Variants in TMEM116 observed in about 807,000 individuals in gnomAD.
TMEM116 encodes the protein transmembrane protein 116.
TMEM116 carries 38 observed loss-of-function variants against 44.3 expected under a neutral mutation model. That is an observed-to-expected ratio of 0.86 (90% confidence interval 0.66 to 1.12). TMEM116 has a LOEUF of 1.12. Among genes scored for constraint, TMEM116 ranks in the 50% most tolerant of loss-of-function variants. The pLI is 0.00. For synonymous variants in TMEM116, 132 were observed against 144.8 expected (o/e 0.91, Z 0.64); for missense variants, 354 against 401.7 (o/e 0.88, Z 1.01).
chr12:111,934,432 G>A, intron 8 of TMEM116: 1 of 155,164 alleles, frequency 6.4e-6, no homozygotes, highest in East Asian at 1.9e-4. Flanking sequence ...CCATGGCTGA[G>A]CTTAAATTCT....
chr12:112,008,256 G>T (rs2077679844), intron 1 of TMEM116, among the ~76,000 whole-genome samples: 1 of 152,176 alleles, frequency 6.6e-6, no homozygotes, highest in South Asian at 2.1e-4. Context: ...GCCGAGGCGT[G>T]TGGATCACAA....
chr12:111,983,403 C>A (rs1287942595), intron 4 of TMEM116, among the ~76,000 whole-genome samples: 2 of 151,008 alleles, frequency 1.3e-5, no homozygotes, highest in African/African-American at 4.9e-5. Context: ...GATCATGCCA[C>A]TGCACTCCAG....
chr12:111,991,524 GAA>G (rs397956051), intron 4 of TMEM116, among the ~76,000 whole-genome samples: 17 of 83,372 alleles, frequency 2.0e-4, no homozygotes, highest in Non-Finnish European at 4.0e-4. Context: ...CTCTGTCTCA[GAA>G]AAAAAAAAAA....
intron 4 of TMEM116, among the ~76,000 whole-genome samples, chr12:111,947,745 T>C (rs1262109290): frequency 6.6e-6 from 1 of 152,198 alleles, no homozygotes; most frequent in Non-Finnish European, 1.5e-5. Flanking sequence ...CTCTAACAAG[T>C]ACTCTTAAAT....
chr12:111,940,546 C>T (rs2339904), intron 5 of TMEM116, among the ~76,000 whole-genome samples: 11,811 of 91,926 alleles, frequency 0.13, 988 homozygotes, highest in East Asian at 0.65. Flanking sequence ...TATATATATA[C>T]ACACACACAT....
chr12:111,946,996 G>GA (rs949630389), intron 4 of TMEM116, among the ~76,000 whole-genome samples: 11 of 149,562 alleles, frequency 7.4e-5, no homozygotes, highest in South Asian at 2.1e-4. Context: ...TCCATAAAAA[G>GA]AAAAAAAAAT....
chr12:111,939,801 G>C (rs1030498763), intron 5 of TMEM116, among the ~76,000 whole-genome samples: 1 of 151,666 alleles, frequency 6.6e-6, no homozygotes, highest in Non-Finnish European at 1.5e-5. Context: ...GCACTCCAGC[G>C]TGAGTGACAG....
intron 4 of TMEM116, among the ~76,000 whole-genome samples, chr12:111,973,028 C>T (rs555034556): frequency 1.3e-5 from 2 of 152,260 alleles, no homozygotes; most frequent in East Asian, 3.9e-4. Flanking sequence ...GTCCCAGCTA[C>T]TCAGGAGGCT....
chr12:111,977,704 T>A (rs534457948), intron 4 of TMEM116, among the ~76,000 whole-genome samples: 4 of 152,224 alleles, frequency 2.6e-5, no homozygotes, highest in Middle Eastern at 3.4e-3. Flanking sequence ...AGAAAAAATG[T>A]ATTGAGTGAT....
chr12:111,932,507 T>A, intron 10 of TMEM116, 79 bp downstream of exon 10: 6 of 1,218,154 alleles, frequency 4.9e-6, no homozygotes, highest in South Asian at 3.7e-5. Flanking sequence ...GAAAAAATCA[T>A]CCTTACCGAG....
chr12:111,933,750 C>T (rs1249239284), intron 9 of TMEM116, 136 bp downstream of exon 9: 3 of 1,017,444 alleles, frequency 2.9e-6, no homozygotes, highest in South Asian at 3.3e-5. Context: ...CCTGCCTCAG[C>T]CTCCCAAAGT....
chr12:111,931,715 G>A lies in TMEM116; in HGVS notation c.920C>T (p.Pro307Leu). ...GAATCTCTTCTGTGAGCATAATAAT[G>A]GTGTCTGGGTATCTGCATCACGCCG... is the stretch of plus-strand genomic sequence containing the variant. ...EARRDADTQTPLLCSQKRFYS... is the reference protein window; with the variant it reads ...EARRDADTQTLLLCSQKRFYS... Residue 307 changes from proline to leucine, a missense_variant, in exon 11 of 11, where the codon CCA (proline) becomes CTA (leucine). Pro to Leu is a moderately conservative substitution (Grantham distance 98). Coordinates refer to ENST00000552374, the MANE Select transcript of TMEM116 (RefSeq NM_001193531.2). The A allele has an allele frequency of 6.2e-7, 1 of 1,613,856 alleles. No homozygotes were observed. Among genetic ancestry groups the A allele is most frequent in the Non-Finnish European group, 8.5e-7 (1 of 1,179,958 alleles).
At chr12:111,972,710 C>T (rs559264197) in intron 4 of TMEM116, among the ~76,000 whole-genome samples, 1 of 152,080 alleles carries the variant, frequency 6.6e-6, no homozygotes, top group African/African-American at 2.4e-5. Flanking sequence ...GAAACCCCGT[C>T]TCTACTAAAA....
chr12:111,950,153 C>G (rs551946620), intron 4 of TMEM116, among the ~76,000 whole-genome samples: 5 of 151,116 alleles, frequency 3.3e-5, no homozygotes, highest in African/African-American at 1.2e-4. Flanking sequence ...AAAAAAACAA[C>G]CAAAAAAACC....
At chr12:112,000,391 T>G (rs541871837) in intron 3 of TMEM116, among the ~76,000 whole-genome samples, 3 of 152,198 alleles carry the variant, frequency 2.0e-5, no homozygotes, top group Non-Finnish European at 4.4e-5. Flanking sequence ...AAATGAGAGA[T>G]AGAAAAATAA....
rs535424000 is a variant in TMEM116 at position 112,012,007 on chromosome 12, G to A, written c.-34+995C>T. ...CCCTTTAGCTTGGTGAGACCCTTTC[G>A]AATCCGCCCCATGGAAGCTCAGTAA... On this transcript the variant is annotated intron_variant, in intron 1 of 10. Transcript: ENST00000552374. The A allele has an allele frequency of 3.3e-5, 5 of 152,258 alleles. No individual in the cohort carries two copies. The East Asian group carries it at 9.6e-4, about 29-fold the overall frequency. 9.4% of individuals were successfully genotyped at this position (152,258 alleles called of 1,614,324 possible). A position where few individuals can be genotyped will look rare whatever the true frequency, so the allele number is the denominator to read the frequency against.
At chr12:111,945,996 T>C (rs1165420839) in intron 4 of TMEM116, among the ~76,000 whole-genome samples, 10 of 152,226 alleles carry the variant, frequency 6.6e-5, no homozygotes. Flanking sequence ...ATGTTTAAGT[T>C]AGGCTAGGCA....
chr12:111,971,537 A>T (rs1360246713), intron 4 of TMEM116, among the ~76,000 whole-genome samples: 1 of 152,108 alleles, frequency 6.6e-6, no homozygotes, highest in African/African-American at 2.4e-5. Context: ...TAATAAGCCA[A>T]CAAAAAAGAC....
intron 4 of TMEM116, among the ~76,000 whole-genome samples, chr12:111,968,979 C>A (rs1190684870): frequency 3.4e-5 from 4 of 118,118 alleles, no homozygotes; most frequent in African/African-American, 9.9e-5. Context: ...GGCAACAGAG[C>A]GAGACTCTAT....
Sources: gnomAD v4.1 joint callset for allele counts (sites outside exome capture counted in the v4.1 genomes callset) on GRCh38, gnomAD v4.1.1 for gene constraint, MANE v1.5 for transcripts, NCBI Gene and HGNC (gene_info 2026-07-23, HGNC 2026-07-21) for gene names.